PPP1R9A: variants seen among roughly 807,000 people sequenced by gnomAD.
PPP1R9A encodes neurabin-1.
In PPP1R9A, 59 loss-of-function variants were observed where a neutral mutation model predicts 141.9. That is an observed-to-expected ratio of 0.42 (90% confidence interval 0.34 to 0.52). PPP1R9A has a LOEUF of 0.52. Among genes scored for constraint, PPP1R9A ranks in the 20% least tolerant of loss-of-function variants. PPP1R9A has a pLI of 0.10. For synonymous variants in PPP1R9A, 500 were observed against 569.7 expected (o/e 0.88, Z 1.74); for missense variants, 1,444 against 1,611.9 (o/e 0.90, Z 1.78).
chr7:95,096,959 G>C (rs970935375), intron 2 of PPP1R9A, among the ~76,000 whole-genome samples: 2 of 152,112 alleles, frequency 1.3e-5, no homozygotes, highest in African/African-American at 2.4e-5. Flanking sequence ...TCTCTACTGT[G>C]TGCTCCCATA....
chr7:95,017,617 A>G (rs1241521937), intron 2 of PPP1R9A, among the ~76,000 whole-genome samples: 2 of 152,178 alleles, frequency 1.3e-5, no homozygotes, highest in Non-Finnish European at 2.9e-5. Flanking sequence ...GATTATAAAA[A>G]CTATGTGGAA....
rs546671731 is a variant in PPP1R9A at position 94,970,426 on chromosome 7, C to T, written c.1395+58918C>T. ...GAGTTCCCTGACCCCTTGCACTTAC[C>T]GGGAGAGGCAATGCCCCAACCTGCT... is the stretch of plus-strand genomic sequence containing the variant. On this transcript the variant is annotated intron_variant, in intron 2 of 19. Transcript: ENST00000433360. Among the ~76,000 whole-genome samples the T allele has an allele frequency of 2.0e-4, 31 of 152,238 alleles. 1 individual carries two copies. Among genetic ancestry groups the T allele is most frequent in the Admixed American group, 7.2e-4 (11 of 15,294 alleles).
At chr7:95,100,501 C>G (rs1378140175) in intron 2 of PPP1R9A, among the ~76,000 whole-genome samples, 1 of 152,196 alleles carries the variant, frequency 6.6e-6, no homozygotes, top group Non-Finnish European at 1.5e-5. Context: ...ATCTTTACCA[C>G]ATACTTCTGA....
At chr7:95,244,386 G>A (rs930346144) in intron 8 of PPP1R9A, among the ~76,000 whole-genome samples, 2 of 152,124 alleles carry the variant, frequency 1.3e-5, no homozygotes, top group African/African-American at 4.8e-5. Context: ...GAATTTCTAA[G>A]CTCTGCAACC....
intron 2 of PPP1R9A, among the ~76,000 whole-genome samples, chr7:94,927,062 A>G (rs1326532637): frequency 6.6e-6 from 1 of 152,172 alleles, no homozygotes; most frequent in Non-Finnish European, 1.5e-5. Flanking sequence ...TTTATGTAGA[A>G]ACAAGTTTTT....
chr7:94,920,728 G>T (rs1291759398), intron 2 of PPP1R9A, among the ~76,000 whole-genome samples: 1 of 152,156 alleles, frequency 6.6e-6, no homozygotes, highest in Non-Finnish European at 1.5e-5. Context: ...AGAGTGGTTG[G>T]CAAGGGTCAA....
chr7:95,090,890 A>G (rs959394070), intron 2 of PPP1R9A, among the ~76,000 whole-genome samples: 2 of 152,046 alleles, frequency 1.3e-5, no homozygotes, highest in Non-Finnish European at 2.9e-5. Context: ...AATTGGGATC[A>G]TGTATGTACA....
intron 7 of PPP1R9A, among the ~76,000 whole-genome samples, chr7:95,215,770 C>A (rs1466454475): frequency 1.3e-5 from 2 of 152,178 alleles, no homozygotes; most frequent in Non-Finnish European, 2.9e-5. Context: ...TAAATGTCTA[C>A]TTTTGAGAAG....
At chr7:95,115,255 C>T (rs1024009821) in intron 3 of PPP1R9A, among the ~76,000 whole-genome samples, 1 of 152,116 alleles carries the variant, frequency 6.6e-6, no homozygotes, top group African/African-American at 2.4e-5. Flanking sequence ...CAGTCAGTCA[C>T]TGCATTTCTT....
chr7:95,263,341 G>A (rs182858816), intron 12 of PPP1R9A, among the ~76,000 whole-genome samples: 13 of 152,226 alleles, frequency 8.5e-5, no homozygotes, highest in Non-Finnish European at 1.8e-4. Context: ...AGTACCCTTT[G>A]ACCAACATCT....
chr7:94,913,955 T>A (rs1438059567), intron 2 of PPP1R9A, among the ~76,000 whole-genome samples: 3 of 152,208 alleles, frequency 2.0e-5, no homozygotes, highest in African/African-American at 7.2e-5. Context: ...AGTCCTTTAG[T>A]GGCACTTGGT....
chr7:95,177,220 C>T (rs1297504716), intron 5 of PPP1R9A, among the ~76,000 whole-genome samples: 1 of 152,030 alleles, frequency 6.6e-6, no homozygotes, highest in African/African-American at 2.4e-5. Flanking sequence ...TCTTGAGCCT[C>T]CTCAAACAAA....
intron 2 of PPP1R9A, among the ~76,000 whole-genome samples, chr7:95,025,563 T>C (rs929433805): frequency 6.6e-6 from 1 of 152,148 alleles, no homozygotes; most frequent in Non-Finnish European, 1.5e-5. Context: ...CAGTTGCTCT[T>C]CTTGAGGAGT....
intron 7 of PPP1R9A, among the ~76,000 whole-genome samples, chr7:95,222,631 C>T (rs1353766588): frequency 2.0e-5 from 3 of 151,828 alleles, no homozygotes; most frequent in Non-Finnish European, 2.9e-5. Context: ...AGTGGATTTG[C>T]GTGTTAGGAC....
chr7:95,152,108 C>T (rs942263590), intron 4 of PPP1R9A, among the ~76,000 whole-genome samples: 26 of 151,684 alleles, frequency 1.7e-4, no homozygotes, highest in African/African-American at 3.9e-4. Flanking sequence ...CGTGCCACCA[C>T]GTGGGGCTAA....
At chr7:95,080,144 A>C (rs1815567117) in intron 2 of PPP1R9A, among the ~76,000 whole-genome samples, 1 of 152,202 alleles carries the variant, frequency 6.6e-6, no homozygotes, top group Non-Finnish European at 1.5e-5. Context: ...GAGGAAGTCA[A>C]ATTGTCCCTG....
At chr7:95,064,505 G>A (rs1301941588) in intron 2 of PPP1R9A, among the ~76,000 whole-genome samples, 2 of 152,182 alleles carry the variant, frequency 1.3e-5, no homozygotes, top group African/African-American at 4.8e-5. Flanking sequence ...AAAAAGTATG[G>A]CACTAAGTGG....
intron 5 of PPP1R9A, among the ~76,000 whole-genome samples, chr7:95,184,716 T>C (rs1005111064): frequency 3.9e-5 from 6 of 152,200 alleles, no homozygotes; most frequent in Admixed American, 3.3e-4. Context: ...GAACATATGA[T>C]GTTTGGTTTT....
intron 7 of PPP1R9A, among the ~76,000 whole-genome samples, chr7:95,205,307 A>G (rs1475547095): frequency 2.0e-5 from 3 of 152,204 alleles, no homozygotes; most frequent in Non-Finnish European, 4.4e-5. Flanking sequence ...TGAGCTAGAT[A>G]CGAAATACCA....
Sources: allele counts gnomAD v4.1 joint callset (sites outside exome capture counted in the v4.1 genomes callset), GRCh38; gene constraint gnomAD v4.1.1; transcripts MANE v1.5; gene names NCBI Gene and HGNC (gene_info 2026-07-23, HGNC 2026-07-21).